The following TNFAIP8 variants were observed in gnomAD, a reference collection of about 807,000 sequenced individuals.
The protein encoded by TNFAIP8 is tumor necrosis factor alpha-induced protein 8.
In TNFAIP8, 7 loss-of-function variants were observed where a neutral mutation model predicts 13.3. The observed-to-expected ratio is 0.52, with a 90% CI of 0.30 to 0.99. The LOEUF (loss-of-function observed/expected upper bound fraction) is 0.99, where lower values mean the gene tolerates loss of function less well. Among genes scored for constraint, TNFAIP8 ranks in the 50% least tolerant of loss-of-function variants. The probability of loss-of-function intolerance (pLI) is 0.07; values close to 1 mark genes in which losing one functional copy is unlikely to be tolerated. For synonymous variants in TNFAIP8, 94 were observed against 87.6 expected (o/e 1.07, Z -0.41); for missense variants, 258 against 236.9 (o/e 1.09, Z -0.58).
At chr5:119,287,881 G>A (rs927965822) in intron 1 of TNFAIP8, among the ~76,000 whole-genome samples, 1 of 152,156 alleles carries the variant, frequency 6.6e-6, no homozygotes, top group Admixed American at 6.5e-5. Flanking sequence ...CTTGAAAATT[G>A]TGGCTTTACT....
chr5:119,276,466 A>G (rs1364870545), intron 1 of TNFAIP8, among the ~76,000 whole-genome samples: 4 of 152,106 alleles, frequency 2.6e-5, no homozygotes, highest in African/African-American at 9.7e-5. Context: ...ATAGTGTTCT[A>G]TATAAGTGTA....
rs1753065282 is a variant in TNFAIP8, at chr5:119,396,059, A to C, written c.*2678A>C. The C allele has an allele frequency of 6.6e-6, 1 of 152,204 alleles. No individual in the cohort carries two copies. Among genetic ancestry groups the C allele is most frequent in the South Asian group, 2.1e-4 (1 of 4,834 alleles). The allele number at this position is 152,204 out of a possible 1,614,324, so 9.4% of individuals were successfully genotyped here. ...ATTCTGCCACAATCTTCACCATCTT[A>C]TAGATAAGGAAACTAGGGGAATAGA... On this transcript the variant is annotated 3_prime_UTR_variant, in exon 2 of 2. Transcript: ENST00000504771.
chr5:119,372,854 G>A lies in TNFAIP8; in HGVS notation c.31+16733G>A, dbSNP rs142348518. 9.0e-3 allele frequency among the ~76,000 whole-genome samples: 1,365 copies of A among 152,148 alleles called. 12 individuals are homozygous for A. The highest frequency in any genetic ancestry group is 0.029 in the African/African-American group (1,183 of 41,488). On this transcript the variant is annotated intron_variant, in intron 1 of 1. Transcript: ENST00000504771. ...CGCACACCTGTAATCCCAGCTACTC[G>A]GGAGGCTGAGGCAGGGGAATCGCTT... is the stretch of plus-strand genomic sequence containing the variant.
At chr5:119,311,631 G>A (rs1190947700) in intron 1 of TNFAIP8, among the ~76,000 whole-genome samples, 2 of 123,544 alleles carry the variant, frequency 1.6e-5, no homozygotes, top group African/African-American at 3.0e-5. Flanking sequence ...GGAGGTTGCA[G>A]TGAGCCAAAA....
chr5:119,367,634 A>G (rs1361637947), intron 1 of TNFAIP8, among the ~76,000 whole-genome samples: 3 of 152,242 alleles, frequency 2.0e-5, no homozygotes, highest in African/African-American at 4.8e-5. Flanking sequence ...GAATGACTCA[A>G]TTGACTACAT....
At chr5:119,321,885 C>T (rs1750068846) in intron 1 of TNFAIP8, among the ~76,000 whole-genome samples, 1 of 152,168 alleles carries the variant, frequency 6.6e-6, no homozygotes, top group South Asian at 2.1e-4. Context: ...CTACAGGCTC[C>T]CCTTCATGTG....
chr5:119,325,909 T>G (rs1562001585), intron 1 of TNFAIP8, among the ~76,000 whole-genome samples: 1 of 152,244 alleles, frequency 6.6e-6, no homozygotes, highest in Admixed American at 6.5e-5. Flanking sequence ...GCTTTCAGCA[T>G]ATACCTCCAA....
rs17145124 is a variant in TNFAIP8 at position 119,304,050 on chromosome 5, C to A, written c.1+35143C>A. Among the ~76,000 whole-genome samples the A allele has an allele frequency of 2.6e-5, 4 of 152,152 alleles. No individual in the cohort carries two copies. The East Asian group carries it at 5.8e-4, about 22-fold the overall frequency. ...TGAGCGATCTTTCTACGATACAGAT[C>A]GGATCCTGTCATTCCCCAGCTTGAA... On this transcript the variant is annotated intron_variant, in intron 1 of 1. Transcript: ENST00000274456.
At chr5:119,385,814 T>C (rs893770324) in intron 1 of TNFAIP8, among the ~76,000 whole-genome samples, 1 of 152,222 alleles carries the variant, frequency 6.6e-6, no homozygotes, top group Non-Finnish European at 1.5e-5. Context: ...AGCATCAGAA[T>C]GTATTTGAAG....
intron 1 of TNFAIP8, chr5:119,333,429 C>G: frequency 7.2e-7 from 1 of 1,391,136 alleles, no homozygotes; most frequent in Non-Finnish European, 9.3e-7. Flanking sequence ...ATGTGGTAAG[C>G]TTATGGTAGA....
intron 1 of TNFAIP8, among the ~76,000 whole-genome samples, chr5:119,272,732 A>C (rs7709638): frequency 0.34 from 50,958 of 152,092 alleles, 8,901 homozygotes; most frequent in Non-Finnish European, 0.37. Flanking sequence ...GCAAGTGTTT[A>C]TGGTTCAGAA....
chr5:119,291,667 A>C (rs1581575200), intron 1 of TNFAIP8, among the ~76,000 whole-genome samples: 1 of 152,342 alleles, frequency 6.6e-6, no homozygotes, highest in East Asian at 1.9e-4. Flanking sequence ...ATGGGATAAA[A>C]TTCCTTTTTA....
intron 1 of TNFAIP8, among the ~76,000 whole-genome samples, chr5:119,288,525 C>G (rs1410719872): frequency 6.6e-6 from 1 of 152,238 alleles, no homozygotes; most frequent in Non-Finnish European, 1.5e-5. Context: ...AAATACACAT[C>G]TTTAAGAGAT....
intron 1 of TNFAIP8, among the ~76,000 whole-genome samples, chr5:119,377,315 A>G (rs888348932): frequency 5.3e-5 from 8 of 152,034 alleles, no homozygotes; most frequent in African/African-American, 1.9e-4. Flanking sequence ...AGGTGAAAGG[A>G]TCACTTGAGC....
At chr5:119,355,372 G>A, upstream of TNFAIP8, 1 of 702,454 alleles carries the variant, frequency 1.4e-6, no homozygotes, top group Non-Finnish European at 2.6e-6. Flanking sequence ...AAGCAGCCCC[G>A]TCTGCTTTTG....
At position 119,350,470 on chromosome 5, in the gene TNFAIP8, G is replaced by A. The variant is rs114852342; in HGVS notation, c.2-42346G>A. ...CCCACAGATGCTGAGAAATGACTGTGTTATAAAAGAAGGACCGTGGGTCAT... is the reference window on the plus strand; with the variant it reads ...CCCACAGATGCTGAGAAATGACTGTATTATAAAAGAAGGACCGTGGGTCAT... On this transcript the variant is annotated intron_variant, in intron 1 of 1. Transcript: ENST00000274456. Among the ~76,000 whole-genome samples the A allele has an allele frequency of 2.7e-3, 410 of 152,300 alleles. 1 individual carries two copies. Among genetic ancestry groups the A allele is most frequent in the African/African-American group, 9.4e-3 (390 of 41,562 alleles).
At chr5:119,358,695 T>C (rs1001095103) in intron 1 of TNFAIP8, among the ~76,000 whole-genome samples, 3 of 152,204 alleles carry the variant, frequency 2.0e-5, no homozygotes, top group African/African-American at 7.2e-5. Flanking sequence ...TAGCCGTGTA[T>C]TTGGCATTTA....
chr5:119,330,771 G>C (rs1750352565), intron 1 of TNFAIP8, among the ~76,000 whole-genome samples: 1 of 152,150 alleles, frequency 6.6e-6, no homozygotes, highest in Non-Finnish European at 1.5e-5. Flanking sequence ...TGTTTGCAGA[G>C]AGATAGAGAA....
chr5:119,365,661 G>A (rs114487297), intron 1 of TNFAIP8, among the ~76,000 whole-genome samples: 2,664 of 152,280 alleles, frequency 0.017, 67 homozygotes, highest in African/African-American at 0.06. Context: ...TTGTTTGATA[G>A]CAAAATATTA....
Sources: allele counts gnomAD v4.1 joint callset (sites outside exome capture counted in the v4.1 genomes callset), GRCh38; gene constraint gnomAD v4.1.1; transcripts MANE v1.5; gene names NCBI Gene and HGNC (gene_info 2026-07-23, HGNC 2026-07-21).